The following LAT2 variants were observed in gnomAD, a reference collection of about 807,000 sequenced individuals.
LAT2 encodes the protein linker for activation of T-cells family member 2.
In LAT2, 23 loss-of-function variants were observed where a neutral mutation model predicts 43.4. That is an observed-to-expected ratio of 0.53 (90% CI 0.38 to 0.75). The LOEUF is 0.75. LAT2 is among the 30% of genes least tolerant of loss of function. The probability of loss-of-function intolerance (pLI) is 0.00; values close to 1 mark genes in which losing one functional copy is unlikely to be tolerated. For missense variants in LAT2, 284 were observed against 310.2 expected (o/e 0.92, Z 0.64); for synonymous variants, 128 against 123.2 (o/e 1.04, Z -0.26).
rs185435882 is a variant in LAT2 at position 74,214,349 on chromosome 7, A to C, written c.-218-473A>C. ...ATATATATAAATATATATATATGAAAATATATATATAAATATATATATATG... is the reference window on the plus strand; with the variant it reads ...ATATATATAAATATATATATATGAACATATATATATAAATATATATATATG... On this transcript the variant is annotated intron_variant, in intron 1 of 13. Coordinates refer to ENST00000460943, the MANE Select transcript of LAT2 (RefSeq NM_032464.3). 9.0e-3 allele frequency among the ~76,000 whole-genome samples: 494 copies of C among 54,970 alleles called. 17 individuals carry two copies. The highest frequency in any genetic ancestry group is 0.018 in the Middle Eastern group (1 of 56). The allele number at this position is 54,970 out of a possible 152,430, so 36.1% of individuals were successfully genotyped here. A position where few individuals can be genotyped will look rare whatever the true frequency, so the allele number is the denominator to read the frequency against.
chr7:74,224,121 G>A lies in LAT2; in HGVS notation c.552G>A (p.Pro184=), dbSNP rs76067498. ...PTSGLCPSAS[P]EEDEESEDYQ... is the part of the protein sequence containing the mutation. ...CTGGTCTCTGTCCCTCTGCCTCCCCGGAAGAAGATGAGGAATCTGAGGATT... is the reference window on the plus strand; with the variant it reads ...CTGGTCTCTGTCCCTCTGCCTCCCCAGAAGAAGATGAGGAATCTGAGGATT... Residue 184 remains proline, a synonymous_variant, in exon 12 of 14, where the codon CCG becomes CCA. Coordinates refer to ENST00000460943, the MANE Select transcript of LAT2 (RefSeq NM_032464.3). 1,484 of 1,614,162 alleles carry A rather than the reference G, an allele frequency of 9.2e-4. 25 individuals are homozygous for A. In the East Asian group the frequency reaches 0.027, roughly 30 times the overall value.
At chr7:74,210,307 G>A (rs908131495) in intron 1 of LAT2, among the ~76,000 whole-genome samples, 4 of 152,202 alleles carry the variant, frequency 2.6e-5, no homozygotes, top group African/African-American at 9.6e-5. Context: ...TCCAGCCTGT[G>A]TAGCCTTGGG....
chr7:74,221,773 A>C (rs1340283420), intron 10 of LAT2, 81 bp downstream of exon 10: 3 of 1,201,724 alleles, frequency 2.5e-6, no homozygotes, highest in Non-Finnish European at 3.5e-6. Context: ...GCAGGAGAGG[A>C]GGCTGGGCCT....
At chr7:74,216,564 G>T (rs1043705590) in intron 3 of LAT2, among the ~76,000 whole-genome samples, 3 of 152,110 alleles carry the variant, frequency 2.0e-5, no homozygotes, top group African/African-American at 2.4e-5. Flanking sequence ...TAGAGACGGG[G>T]TTTCCCCATG....
Position 74,224,170 on chromosome 7 carries a change from C to A in LAT2, c.601C>A (p.Gln201Lys), listed in dbSNP as rs781973954. 24 of 1,614,028 alleles carry A rather than the reference C, an allele frequency of 1.5e-5. No individual in the cohort carries two copies. In the South Asian group the frequency reaches 2.1e-4, roughly 14 times the overall value. Residue 201 changes from glutamine to lysine, a missense_variant, in exon 12 of 14, where the codon CAG becomes AAG. Physicochemically the swap from Gln to Lys is moderately conservative, Grantham distance 53 (BLOSUM62 1). Coordinates refer to ENST00000460943, the MANE Select transcript of LAT2 (RefSeq NM_032464.3). ...TTATCAGAACTCAGCATCCATCCAT[C>A]AGTGGCGCGAGTCCAGGAAGGTCAT... ...EDYQNSASIH[Q>K]WRESRKVMGQ...
In LAT2 at chr7:74,220,163, G is replaced by A. The variant is rs1460644160; in HGVS notation, c.228-54G>A. 2 of 1,572,236 alleles carry A rather than the reference G, an allele frequency of 1.3e-6. No homozygotes were observed. The highest frequency in any genetic ancestry group is 1.2e-5 in the South Asian group (1 of 85,736). Reference sequence around the variant, plus strand: ...AGGGGTATGGGGGGATGTGTCCTGGGGGGCCTCTCCCCTACAGCCCCTCCT... The same window carrying A: ...AGGGGTATGGGGGGATGTGTCCTGGAGGGCCTCTCCCCTACAGCCCCTCCT... On this transcript the variant is annotated intron_variant, in intron 6 of 13. Transcript: ENST00000460943. This position sits in a 1 kb window ranked among gnomAD's most constrained non-coding sequence, Gnocchi z 4.5.
At chr7:74,221,504 T>A in intron 9 of LAT2, 133 bp from the exon 10 acceptor site, 1 of 439,880 alleles carries the variant, frequency 2.3e-6, no homozygotes, top group Non-Finnish European at 4.1e-6. Flanking sequence ...AGAGAGGAGA[T>A]CCTGGCAGAC....
At chr7:74,213,918 CTG>C (rs1801831395) in intron 1 of LAT2, among the ~76,000 whole-genome samples, 1 of 150,706 alleles carries the variant, frequency 6.6e-6, no homozygotes, top group Admixed American at 6.7e-5. Flanking sequence ...ACCCTCAACT[CTG>C]TCCCCAGCCA....
chr7:74,214,760 TAAACATATATATATAAATATATATATA>T (rs1801963978), intron 1 of LAT2, 35 bp from the exon 2 acceptor site: 1 of 87,688 alleles, frequency 1.1e-5, no homozygotes, highest in Non-Finnish European at 1.9e-5. Context: ...TATATATATA[TAAACATATATATATAAATATATATATA>T]TATATTTTTT....
At chr7:74,228,068 C>A (rs1230991604) in intron 13 of LAT2, among the ~76,000 whole-genome samples, 2 of 143,006 alleles carry the variant, frequency 1.4e-5, no homozygotes, top group African/African-American at 5.2e-5. Flanking sequence ...CCCAGCTACT[C>A]GGGAGGCTGA....
chr7:74,214,621 TGA>T (rs1491257803), intron 1 of LAT2, among the ~76,000 whole-genome samples, 199 bp from the exon 2 acceptor site: 1 of 612 alleles, frequency 1.6e-3, no homozygotes, highest in Non-Finnish European at 2.3e-3. Flanking sequence ...AATATATATA[TGA>T]ATATATATAT....
At position 74,221,655 on chromosome 7, in the gene LAT2, G is replaced by T; in HGVS notation, c.351G>T (p.Glu117Asp). Residue 117 changes from glutamate (E) to aspartate (D), a missense_variant, in exon 10 of 14, where the codon GAG becomes GAT. Transcript: ENST00000460943. ...TGGCCAGAGACCCCATTGCCATGGA[G>T]TATTACAACTGGGGGCGGTTCTCGA... The part of the protein sequence containing the change: ...EEAYIDPIAM[E>D]YYNWGRFSKP... The T allele has an allele frequency of 6.2e-7, 1 of 1,613,502 alleles. No homozygotes were observed. The highest frequency in any genetic ancestry group is 8.5e-7 in the Non-Finnish European group (1 of 1,179,720).
chr7:74,220,653 G>A lies in LAT2; in HGVS notation c.301+34G>A. 4 of 1,613,954 alleles carry A rather than the reference G, an allele frequency of 2.5e-6. No individual in the cohort carries two copies. Among genetic ancestry groups the A allele is most frequent in the South Asian group, 1.1e-5 (1 of 91,086 alleles). ...GCTCCTGGAGAAAGGGGGAGGCCAT[G>A]GTGGGGGCCACACCCAGGGGCTCAG... On this transcript the variant is annotated intron_variant, in intron 8 of 13. Transcript: ENST00000460943. The surrounding 1 kb of genome is among the most constrained non-coding windows in gnomAD (Gnocchi z 4.5).
chr7:74,215,931 G>A lies in LAT2; in HGVS notation c.-29-16G>A. On this transcript the variant is annotated splice_polypyrimidine_tract_variant and intron_variant, in intron 2 of 13. Transcript: ENST00000460943. ...TGAAAAAGGGGCCCCTTGCTCACGG[G>A]CACCTCCCATTTCAGCATCACAAGA... is the stretch of plus-strand genomic sequence containing the variant. 1 of 1,577,436 alleles carries A rather than the reference G, an allele frequency of 6.3e-7. No individual in the cohort carries two copies. The highest frequency in any genetic ancestry group is 8.7e-7 in the Non-Finnish European group (1 of 1,147,072).
At chr7:74,226,738 A>G (rs1176068090) in intron 13 of LAT2, among the ~76,000 whole-genome samples, 1 of 152,170 alleles carries the variant, frequency 6.6e-6, no homozygotes, top group Non-Finnish European at 1.5e-5. Context: ...CAAAACAGGG[A>G]AGCGGGGCAG....
Position 74,220,762 on chromosome 7 carries a change from G to A in LAT2, c.332+28G>A, listed in dbSNP as rs1554715102. The A allele has an allele frequency of 6.6e-7, 1 of 1,506,606 alleles. No homozygotes were observed. The highest frequency in any genetic ancestry group is 2.4e-5 in the East Asian group (1 of 41,156). The allele number at this position is 1,506,606 out of a possible 1,614,324, so 93.3% of individuals were successfully genotyped here. On this transcript the variant is annotated intron_variant, in intron 9 of 13. Transcript: ENST00000460943. This position sits in a 1 kb window ranked among gnomAD's most constrained non-coding sequence, Gnocchi z 4.5. ...GAGTGACCTTGATCCTGTCCCCCCTGCCTCGCCTCTCCCCCTGCCCCACCT... is the reference window on the plus strand; with the variant it reads ...GAGTGACCTTGATCCTGTCCCCCCTACCTCGCCTCTCCCCCTGCCCCACCT...
rs782029314 is a variant in LAT2, at chr7:74,224,177, G to A, written c.608G>A (p.Arg203His). ...YQNSASIHQWRESRKVMGQLQ... is the reference protein window; with the variant it reads ...YQNSASIHQWHESRKVMGQLQ... ...AACTCAGCATCCATCCATCAGTGGC[G>A]CGAGTCCAGGAAGGTCATGGGTAGG... is the stretch of plus-strand genomic sequence containing the variant. The change falls in exon 12 of 14, where the codon CGC (arginine) becomes CAC (histidine). Residue 203 changes from arginine to histidine, a missense_variant. Arg to His is a conservative substitution (Grantham distance 29). Transcript: ENST00000460943. 22 of 1,613,718 alleles carry A rather than the reference G, an allele frequency of 1.4e-5. No homozygotes were observed. Among genetic ancestry groups the A allele is most frequent in the Middle Eastern group, 1.6e-4 (1 of 6,084 alleles).
At chr7:74,223,661 A>G in intron 10 of LAT2, 63 bp from the exon 11 acceptor site, 1 of 1,466,316 alleles carries the variant, frequency 6.8e-7, no homozygotes, top group South Asian at 1.1e-5. Context: ...ACAGAGCGGG[A>G]GGATGAGCCA....
chr7:74,217,088 T>C (rs1328440176), intron 4 of LAT2, among the ~76,000 whole-genome samples: 1 of 152,090 alleles, frequency 6.6e-6, no homozygotes, highest in African/African-American at 2.4e-5. Flanking sequence ...CGGGGACGCC[T>C]GGGCTGTGGG....
Sources: allele counts gnomAD v4.1 joint callset (sites outside exome capture counted in the v4.1 genomes callset), GRCh38; gene constraint gnomAD v4.1.1; non-coding constraint Gnocchi (gnomAD v3.1); transcripts MANE v1.5; gene names NCBI Gene and HGNC (gene_info 2026-07-23, HGNC 2026-07-21).